NLRP8: variants seen among roughly 807,000 people sequenced by gnomAD.
NLRP8 encodes NACHT, LRR and PYD domains-containing protein 8.
Under a neutral mutation model 88.7 loss-of-function variants are expected in NLRP8, and 86 were observed. The observed-to-expected ratio is 0.97, with a 90% confidence interval of 0.81 to 1.16. The LOEUF is 1.16. Ranked by LOEUF, NLRP8 falls within the 50% of genes most tolerant of loss-of-function variation. The pLI is 0.00. For synonymous variants in NLRP8, 504 were observed against 494.6 expected (o/e 1.02, Z -0.25); for missense variants, 1,342 against 1,286.5 (o/e 1.04, Z -0.66).
chr19:55,951,497 C>T (rs1411828663), intron 1 of NLRP8, among the ~76,000 whole-genome samples: 1 of 152,180 alleles, frequency 6.6e-6, no homozygotes, highest in Non-Finnish European at 1.5e-5. Flanking sequence ...TAGAGATATA[C>T]ACGTGTATGT....
chr19:55,953,190 G>A (rs766427923), intron 2 of NLRP8, among the ~76,000 whole-genome samples: 7 of 152,070 alleles, frequency 4.6e-5, no homozygotes, highest in African/African-American at 1.4e-4. Flanking sequence ...GTGCATGCGA[G>A]GGATCTAGGC....
chr19:55,966,869 C>A (rs915198244), intron 5 of NLRP8, among the ~76,000 whole-genome samples: 5 of 152,120 alleles, frequency 3.3e-5, no homozygotes, highest in Non-Finnish European at 2.9e-5. Flanking sequence ...CCGTCTGATA[C>A]CAGGAAATCT....
Position 55,970,517 on chromosome 19 carries a change from C to G in NLRP8, c.2382-27C>G, listed in dbSNP as rs757198957. 7.4e-6 allele frequency: 12 copies of G among 1,611,830 alleles called. No individual in the cohort carries two copies. In the South Asian group the frequency reaches 1.3e-4, roughly 18 times the overall value. On this transcript the variant is annotated intron_variant, in intron 5 of 9. Transcript: ENST00000291971. ...GGTACCATTTTCCCCAGAACCATGG[C>G]TCAGCATTTGTATCTGGCTTCTACA... is the stretch of plus-strand genomic sequence containing the variant.
intron 4 of NLRP8, among the ~76,000 whole-genome samples, chr19:55,962,792 A>G (rs543047591): frequency 6.6e-6 from 1 of 152,250 alleles, no homozygotes; most frequent in East Asian, 1.9e-4. Flanking sequence ...TCTCAAAACA[A>G]ACTATAAATA....
At chr19:55,976,644 A>C (rs1249916296) in intron 8 of NLRP8, among the ~76,000 whole-genome samples, 1 of 151,720 alleles carries the variant, frequency 6.6e-6, no homozygotes, top group African/African-American at 2.4e-5. Flanking sequence ...TTAGACTGAT[A>C]TCTGAGATGA....
intron 4 of NLRP8, among the ~76,000 whole-genome samples, chr19:55,963,237 C>T (rs1350487140): frequency 6.6e-6 from 1 of 152,174 alleles, no homozygotes; most frequent in African/African-American, 2.4e-5. Context: ...TAGTTTTGAA[C>T]TCCTGACCTC....
chr19:55,984,008 A>G (rs1401524821), intron 9 of NLRP8, among the ~76,000 whole-genome samples: 1 of 152,162 alleles, frequency 6.6e-6, no homozygotes, highest in Non-Finnish European at 1.5e-5. Flanking sequence ...TTTCCCTAAG[A>G]TAAAAATGAG....
In NLRP8 at chr19:55,955,315, A is replaced by G. The variant is rs10426571; in HGVS notation, c.1257A>G (p.Ser419=). ...AGAGAGGAAACAATCTCACACAGTC[A>G]TGTCCAAATGCCACCTCTGTGTTCG... Residue 419 remains serine (S), a synonymous_variant, in exon 3 of 10, where the codon TCA becomes TCG. Transcript: ENST00000291971. The G allele has an allele frequency of 0.011, 18,551 of 1,614,146 alleles. 692 individuals carry two copies. Among genetic ancestry groups the G allele is most frequent in the Admixed American group, 0.09 (5,431 of 60,014 alleles).
At chr19:55,954,467 C>T (rs1979236924) in intron 2 of NLRP8, 34 bp from the exon 3 acceptor site, 1 of 1,596,444 alleles carries the variant, frequency 6.3e-7, no homozygotes. Flanking sequence ...ACTCTGATGT[C>T]ATACCCTTTA....
chr19:55,959,965 A>T (rs1286059407), intron 3 of NLRP8, among the ~76,000 whole-genome samples: 1 of 152,124 alleles, frequency 6.6e-6, no homozygotes, highest in Admixed American at 6.5e-5. Context: ...CTGCTAAATC[A>T]TGGAGGCTTG....
Position 55,952,520 on chromosome 19 carries a change from TC to T in NLRP8, c.368-16del, listed in dbSNP as rs1439082593. 1 of 1,607,640 alleles carries T rather than the reference TC, an allele frequency of 6.2e-7. No individual in the cohort carries two copies. The highest frequency in any genetic ancestry group is 8.5e-7 in the Non-Finnish European group (1 of 1,174,400). On this transcript the variant is annotated splice_polypyrimidine_tract_variant and intron_variant, in intron 1 of 9. Transcript: ENST00000291971. ...ATCTTATCATTCCCGTGGAACAGCC[TC>T]CTTTTTTCTGTTACAGCCATTCTGC...
In NLRP8 at chr19:55,962,334, G is replaced by A. The variant is rs765276037; in HGVS notation, c.2213+97G>A. 1.7e-4 allele frequency: 224 copies of A among 1,311,308 alleles called. 1 individual carries two copies. The highest frequency in any genetic ancestry group is 5.4e-4 in the Middle Eastern group (2 of 3,686). The allele number at this position is 1,311,308 out of a possible 1,614,324, so 81.2% of individuals were successfully genotyped here. On this transcript the variant is annotated intron_variant, in intron 4 of 9. Coordinates refer to ENST00000291971, the MANE Select transcript of NLRP8 (RefSeq NM_176811.2). ...CCCTCTCCACTCACACTAGACTTCC[G>A]GAAAGCACCCATGTCCAGCCTTGGA... is the stretch of plus-strand genomic sequence containing the variant.
intron 2 of NLRP8, among the ~76,000 whole-genome samples, chr19:55,953,983 A>G (rs1979216012): frequency 6.6e-6 from 1 of 150,708 alleles, no homozygotes; most frequent in South Asian, 2.1e-4. Flanking sequence ...TTGTATTTTT[A>G]GTAGAGACAG....
chr19:55,966,184 A>G (rs1979829206), intron 4 of NLRP8, 29 bp from the exon 5 acceptor site: 1 of 1,609,114 alleles, frequency 6.2e-7, no homozygotes, highest in Non-Finnish European at 8.5e-7. Context: ...ACGGGACCCT[A>G]TTCCAAGGAG....
At position 55,976,211 on chromosome 19, in the gene NLRP8, T is replaced by G. The variant is rs752737719; in HGVS notation, c.2784T>G (p.Ser928Arg). The G allele has an allele frequency of 6.2e-7, 1 of 1,613,798 alleles. No homozygotes were observed. Among genetic ancestry groups the G allele is most frequent in the Admixed American group, 1.7e-5 (1 of 59,924 alleles). ...TCTGTAAAAATAAAACCCTGAAAAG[T>G]CTTGACCTAAGTTTTAATAGCCTGA... Residue 928 changes from serine to arginine, a missense_variant, in exon 8 of 10, where the codon AGT (serine) becomes AGG (arginine). Transcript: ENST00000291971.
chr19:55,986,399 C>T (rs1481233973), intron 9 of NLRP8, among the ~76,000 whole-genome samples: 1 of 151,434 alleles, frequency 6.6e-6, no homozygotes, highest in Non-Finnish European at 1.5e-5. Context: ...CACACATACA[C>T]ACTGTCTCTG....
rs1232212926 is a variant in NLRP8, at chr19:55,988,243, C to CA, written c.*336dup. 3.9e-5 allele frequency: 6 copies of CA among 155,578 alleles called. No homozygotes were observed. The South Asian group carries it at 1.0e-3, about 26-fold the overall frequency. The allele number at this position is 155,578 out of a possible 1,614,324, so 9.6% of individuals were successfully genotyped here. ...CCCGCCTCTACTAAAAAAAAAAATA[C>CA]AAAAAATTAGGCGTGGTGGTGGGCT... On this transcript the variant is annotated 3_prime_UTR_variant, in exon 10 of 10. Transcript: ENST00000291971.
In NLRP8 at chr19:55,954,591, T is replaced by C. The variant is rs1979244365; in HGVS notation, c.533T>C (p.Phe178Ser). The change falls in exon 3 of 10, where the codon TTC (phenylalanine) becomes TCC (serine). Residue 178 changes from phenylalanine (F) to serine (S), a missense_variant. Physicochemically the swap from Phe to Ser is radical, Grantham distance 155. Transcript: ENST00000291971. ...TGGCCTGGAAACCAGAGGGACTTCTTCTACCAAGGTGTACACAGGCACGAG... is the reference window on the plus strand; with the variant it reads ...TGGCCTGGAAACCAGAGGGACTTCTCCTACCAAGGTGTACACAGGCACGAG... The C allele has an allele frequency of 6.2e-7, 1 of 1,614,086 alleles. No homozygotes were observed. The highest frequency in any genetic ancestry group is 1.7e-5 in the Admixed American group (1 of 59,996).
At chr19:55,972,063 T>C (rs1352334132) in intron 6 of NLRP8, among the ~76,000 whole-genome samples, 3 of 152,062 alleles carry the variant, frequency 2.0e-5, no homozygotes, top group Non-Finnish European at 1.5e-5. Context: ...TATTCTTTGA[T>C]GGTCTCTTTC....
Sources: gnomAD v4.1 joint callset for allele counts (sites outside exome capture counted in the v4.1 genomes callset) on GRCh38, gnomAD v4.1.1 for gene constraint, MANE v1.5 for transcripts, NCBI Gene and HGNC (gene_info 2026-07-23, HGNC 2026-07-21) for gene names.